VOPP1: variants seen among roughly 807,000 people sequenced by gnomAD.
VOPP1 encodes the protein VOPP1 WW domain binding protein.
Under a neutral mutation model 23.5 loss-of-function variants are expected in VOPP1, and 8 were observed. The observed-to-expected ratio is 0.34, with a 90% CI of 0.20 to 0.61. The LOEUF is 0.61. Among genes scored for constraint, VOPP1 ranks in the 20% least tolerant of loss-of-function variants. The pLI is 0.78. For missense variants in VOPP1, 174 were observed against 238.1 expected, an observed-to-expected ratio of 0.73 and a Z score of 1.77; for synonymous variants, 83 against 97.3, an observed-to-expected ratio of 0.85 and a Z score of 0.86.
At chr7:55,528,063 A>G (rs1171147743) in intron 1 of VOPP1, among the ~76,000 whole-genome samples, 1 of 152,226 alleles carries the variant, frequency 6.6e-6, no homozygotes, top group Non-Finnish European at 1.5e-5. Context: ...AATTGAGAAC[A>G]AATGTTATTT....
At chr7:55,468,842 A>C (rs937838910), downstream of VOPP1, among the ~76,000 whole-genome samples, 2 of 152,206 alleles carry the variant, frequency 1.3e-5, no homozygotes, top group Non-Finnish European at 2.9e-5. Context: ...GTCAGATCTC[A>C]GTGTTCGAAG....
At chr7:55,484,902 C>T (rs796495419) in intron 4 of VOPP1, among the ~76,000 whole-genome samples, 10 of 152,278 alleles carry the variant, frequency 6.6e-5, no homozygotes, top group African/African-American at 2.2e-4. Flanking sequence ...AGGGCAGCCC[C>T]GGGACATGAA....
intron 4 of VOPP1, among the ~76,000 whole-genome samples, chr7:55,456,741 T>C (rs555362661): frequency 1.2e-4 from 18 of 151,662 alleles, no homozygotes; most frequent in East Asian, 5.8e-4. Context: ...TAAGTGGGAG[T>C]TGAACAATGA....
At chr7:55,572,227 G>A (rs2129058673) in intron 1 of VOPP1, 44 bp downstream of exon 1, 4 of 1,481,870 alleles carry the variant, frequency 2.7e-6, no homozygotes, top group South Asian at 1.2e-5. Context: ...CCGCCAGCAT[G>A]GTGGGCGCCG....
chr7:55,436,631 C>A (rs898645792), intron 4 of VOPP1, among the ~76,000 whole-genome samples: 1 of 134,904 alleles, frequency 7.4e-6, no homozygotes, highest in South Asian at 2.3e-4. Context: ...TGTGTGTGTG[C>A]GTGTGTGTGC....
intron 4 of VOPP1, among the ~76,000 whole-genome samples, chr7:55,486,208 G>C (rs949905508): frequency 6.6e-6 from 1 of 152,250 alleles, no homozygotes; most frequent in African/African-American, 2.4e-5. Flanking sequence ...AAGCTTTGTT[G>C]TGAGTAATGT....
intron 2 of VOPP1, among the ~76,000 whole-genome samples, chr7:55,516,932 A>ATTTT (rs71031862): frequency 6.6e-5 from 3 of 45,156 alleles, no homozygotes; most frequent in African/African-American, 3.6e-4. Flanking sequence ...ATATATATAT[A>ATTTT]TTTTTTTTTT....
Position 55,494,343 on chromosome 7 carries a change from T to C in VOPP1, c.192-1925A>G, listed in dbSNP as rs186776063. 1.4e-3 allele frequency among the ~76,000 whole-genome samples: 212 copies of C among 152,306 alleles called. 2 individuals carry two copies. Among genetic ancestry groups the C allele is most frequent in the Non-Finnish European group, 4.1e-4 (28 of 68,022 alleles). On this transcript the variant is annotated intron_variant, in intron 3 of 4. Coordinates refer to ENST00000285279, the MANE Select transcript of VOPP1 (RefSeq NM_030796.5). ...GAGGCTGGATGTGTACAGGGTTTACTTTCTCAGAGCCACTGGCCACTTCCA... is the reference window on the plus strand; with the variant it reads ...GAGGCTGGATGTGTACAGGGTTTACCTTCTCAGAGCCACTGGCCACTTCCA...
intron 4 of VOPP1, among the ~76,000 whole-genome samples, chr7:55,451,250 C>G (rs1478546289): frequency 6.6e-6 from 1 of 152,118 alleles, no homozygotes; most frequent in Non-Finnish European, 1.5e-5. Flanking sequence ...CCATCTGAGA[C>G]AGGAACATTA....
chr7:55,536,690 C>T (rs182954463), intron 1 of VOPP1, among the ~76,000 whole-genome samples: 3 of 152,136 alleles, frequency 2.0e-5, no homozygotes, highest in African/African-American at 7.2e-5. Flanking sequence ...CGTGGCAGGA[C>T]TGAACAATGA....
intron 1 of VOPP1, among the ~76,000 whole-genome samples, chr7:55,564,955 G>A (rs1291309424): frequency 6.6e-6 from 1 of 152,150 alleles, no homozygotes; most frequent in Non-Finnish European, 1.5e-5. Flanking sequence ...CACCAGATAT[G>A]CCCTATGCTT....
chr7:55,527,396 CTG>C (rs1796252046), intron 1 of VOPP1, among the ~76,000 whole-genome samples: 1 of 151,208 alleles, frequency 6.6e-6, no homozygotes, highest in African/African-American at 2.5e-5. Context: ...AAAGATACCC[CTG>C]TCTTATAGAA....
At chr7:55,509,732 C>T (rs958601632) in intron 2 of VOPP1, among the ~76,000 whole-genome samples, 2 of 152,214 alleles carry the variant, frequency 1.3e-5, no homozygotes, top group African/African-American at 4.8e-5. Flanking sequence ...TGCAAGAACT[C>T]CAAACTCCAC....
chr7:55,470,504 C>T (rs1386920602), downstream of VOPP1: 1 of 152,128 alleles, frequency 6.6e-6, no homozygotes, highest in Non-Finnish European at 1.5e-5. Flanking sequence ...CAGGTGCATC[C>T]TCCACCCACC....
chr7:55,520,701 T>C (rs1195783438), intron 2 of VOPP1, among the ~76,000 whole-genome samples: 1 of 152,228 alleles, frequency 6.6e-6, no homozygotes, highest in African/African-American at 2.4e-5. Context: ...CTGAGGACTG[T>C]TTCTTGTCCT....
chr7:55,548,954 C>G (rs918755100), intron 1 of VOPP1, among the ~76,000 whole-genome samples: 7 of 152,114 alleles, frequency 4.6e-5, no homozygotes, highest in Admixed American at 4.6e-4. Context: ...CTAGGAAGAG[C>G]CCAGGGTGAC....
At chr7:55,506,036 A>ATTTC (rs1218602295) in intron 2 of VOPP1, among the ~76,000 whole-genome samples, 2 of 152,162 alleles carry the variant, frequency 1.3e-5, no homozygotes, top group Non-Finnish European at 2.9e-5. Flanking sequence ...ATCGAGCACA[A>ATTTC]AACACCCTTT....
intron 1 of VOPP1, among the ~76,000 whole-genome samples, chr7:55,565,481 G>A (rs1055480203): frequency 2.6e-5 from 4 of 152,198 alleles, no homozygotes; most frequent in African/African-American, 4.8e-5. Flanking sequence ...AAAACCAACA[G>A]GAGTATAATC....
intron 2 of VOPP1, among the ~76,000 whole-genome samples, chr7:55,506,978 T>A (rs543266973): frequency 1.3e-5 from 2 of 152,346 alleles, no homozygotes; most frequent in East Asian, 3.9e-4. Flanking sequence ...AATACACTTA[T>A]GCATTTCCAG....
Sources: gnomAD v4.1 joint callset for allele counts (sites outside exome capture counted in the v4.1 genomes callset) on GRCh38, gnomAD v4.1.1 for gene constraint, MANE v1.5 for transcripts, NCBI Gene and HGNC (gene_info 2026-07-23, HGNC 2026-07-21) for gene names.